Variants in ADAMTSL3 observed in about 807,000 individuals in gnomAD.
The protein encoded by ADAMTSL3 is ADAMTS like 3, also known as ADAMTS-like protein 3.
Under a neutral mutation model 201.7 loss-of-function variants are expected in ADAMTSL3, and 128 were observed. The observed-to-expected ratio is 0.63, with a 90% CI of 0.55 to 0.73. The LOEUF (loss-of-function observed/expected upper bound fraction) is 0.73. Among genes scored for constraint, ADAMTSL3 ranks in the 30% least tolerant of loss-of-function variants. ADAMTSL3 has a pLI of 0.00. For synonymous variants in ADAMTSL3, 738 were observed against 748.4 expected, an observed-to-expected ratio of 0.99 and a Z score of 0.23; for missense variants, 1,990 against 2,119.6, an observed-to-expected ratio of 0.94 and a Z score of 1.20.
At chr15:83,685,168 AG>A (rs1287915788) in intron 2 of ADAMTSL3, among the ~76,000 whole-genome samples, 1 of 151,888 alleles carries the variant, frequency 6.6e-6, no homozygotes, top group Non-Finnish European at 1.5e-5. Context: ...TTTGCCCTTA[AG>A]GGTTTTTTTG....
intron 2 of ADAMTSL3, among the ~76,000 whole-genome samples, chr15:83,657,184 G>C (rs901333852): frequency 6.6e-6 from 1 of 151,566 alleles, no homozygotes; most frequent in Non-Finnish European, 1.5e-5. Flanking sequence ...TCAGAGATTT[G>C]TTCCTGGTCA....
intron 4 of ADAMTSL3, among the ~76,000 whole-genome samples, chr15:83,784,105 TTTTGTGGCTTTCCTTCATTTGGAGATAG>T (rs1378814606): frequency 6.6e-6 from 1 of 152,222 alleles, no homozygotes; most frequent in Non-Finnish European, 1.5e-5. Flanking sequence ...TTTTTTATTA[TTTTGTGGCTTTCCTTCATTTGGAGATAG>T]TTTCTGGAGT....
intron 7 of ADAMTSL3, among the ~76,000 whole-genome samples, chr15:83,843,866 A>G (rs1245777053): frequency 6.6e-6 from 1 of 152,242 alleles, no homozygotes; most frequent in East Asian, 1.9e-4. Flanking sequence ...TTATCCAGAT[A>G]CAACATACAG....
At chr15:83,950,545 C>T (rs987327266) in intron 19 of ADAMTSL3, among the ~76,000 whole-genome samples, 2 of 151,986 alleles carry the variant, frequency 1.3e-5, no homozygotes, top group African/African-American at 4.8e-5. Flanking sequence ...TGAAAAATGT[C>T]ATTGATATTT....
intron 2 of ADAMTSL3, among the ~76,000 whole-genome samples, chr15:83,688,598 T>C (rs1053964746): frequency 6.6e-6 from 1 of 152,132 alleles, no homozygotes; most frequent in Non-Finnish European, 1.5e-5. Context: ...GTTCTTTTAT[T>C]CCTATGGAAT....
At chr15:83,903,912 C>T (rs1194507007) in intron 15 of ADAMTSL3, among the ~76,000 whole-genome samples, 1 of 24,730 alleles carries the variant, frequency 4.0e-5, no homozygotes, top group Non-Finnish European at 5.7e-5. Flanking sequence ...TGCCAGACTC[C>T]ACATCAAAAA....
At chr15:83,702,891 G>C (rs2061795823) in intron 2 of ADAMTSL3, among the ~76,000 whole-genome samples, 2 of 152,146 alleles carry the variant, frequency 1.3e-5, no homozygotes, top group African/African-American at 4.8e-5. Context: ...CAGAATGGTA[G>C]ATCCACTGAC....
chr15:83,779,416 C>T (rs926662859), intron 4 of ADAMTSL3, among the ~76,000 whole-genome samples: 3 of 151,970 alleles, frequency 2.0e-5, no homozygotes, highest in African/African-American at 4.8e-5. Context: ...AAAACAATCT[C>T]GGCTGGGTGC....
intron 2 of ADAMTSL3, among the ~76,000 whole-genome samples, chr15:83,659,980 G>A (rs1277097402): frequency 6.6e-6 from 1 of 152,202 alleles, no homozygotes; most frequent in Non-Finnish European, 1.5e-5. Context: ...CTTCAGAACT[G>A]TAAAAGAATA....
intron 6 of ADAMTSL3, among the ~76,000 whole-genome samples, chr15:83,827,093 T>A (rs964479391): frequency 6.6e-6 from 1 of 152,214 alleles, no homozygotes; most frequent in African/African-American, 2.4e-5. Context: ...CACACTGACT[T>A]CCACAATGGT....
intron 23 of ADAMTSL3, among the ~76,000 whole-genome samples, chr15:83,995,504 G>A (rs1165162177): frequency 6.6e-6 from 1 of 152,050 alleles, no homozygotes; most frequent in Non-Finnish European, 1.5e-5. Flanking sequence ...CACTATATCT[G>A]TTCAACACTG....
At chr15:83,980,892 A>AC (rs767756612) in intron 20 of ADAMTSL3, among the ~76,000 whole-genome samples, 9 of 152,176 alleles carry the variant, frequency 5.9e-5, no homozygotes, top group Admixed American at 2.0e-4. Context: ...CAGTAAACAC[A>AC]CTGTAGCCAG....
At chr15:83,841,660 G>T (rs370473202) in intron 7 of ADAMTSL3, among the ~76,000 whole-genome samples, 1 of 149,686 alleles carries the variant, frequency 6.7e-6, no homozygotes, top group Non-Finnish European at 1.5e-5. Context: ...TGATACGGGA[G>T]GGGGGGCAGG....
At chr15:83,942,251 CACCTATATAA>C (rs2066574492) in intron 17 of ADAMTSL3, among the ~76,000 whole-genome samples, 1 of 152,170 alleles carries the variant, frequency 6.6e-6, no homozygotes, top group Non-Finnish European at 1.5e-5. Flanking sequence ...TTTCTTTTGA[CACCTATATAA>C]ATCATCATTG....
At chr15:83,680,713 T>C (rs1326868592) in intron 2 of ADAMTSL3, among the ~76,000 whole-genome samples, 11 of 152,040 alleles carry the variant, frequency 7.2e-5, no homozygotes. Flanking sequence ...TTAACTGACT[T>C]AATTTTCTGT....
rs149740971 is a variant in ADAMTSL3, at chr15:83,690,156, C to T, written c.70-14233C>T. On this transcript the variant is annotated intron_variant, in intron 2 of 29. Transcript: ENST00000286744. The stretch of plus-strand genomic sequence containing the variant: ...ATCCTCATTGCCCCATCATTTGTCT[C>T]CTGGAATGTTACAGCGGCCTCACTA... Among the ~76,000 whole-genome samples, 5 of 152,244 alleles carry T rather than the reference C, an allele frequency of 3.3e-5. No individual in the cohort carries two copies. In the East Asian group the frequency reaches 9.7e-4, roughly 29 times the overall value.
chr15:83,906,226 C>T (rs1346597956), intron 15 of ADAMTSL3, among the ~76,000 whole-genome samples: 2 of 152,158 alleles, frequency 1.3e-5, no homozygotes, highest in Non-Finnish European at 2.9e-5. Context: ...CTCACCTAAC[C>T]TTACATAAAA....
At chr15:83,857,025 G>A (rs571307725) in intron 7 of ADAMTSL3, among the ~76,000 whole-genome samples, 2 of 152,078 alleles carry the variant, frequency 1.3e-5, no homozygotes, top group African/African-American at 4.8e-5. Flanking sequence ...ATCCTAATAG[G>A]TGTGAAGTGG....
chr15:84,029,453 G>A (rs1004562378), intron 27 of ADAMTSL3, among the ~76,000 whole-genome samples: 1 of 152,170 alleles, frequency 6.6e-6, no homozygotes, highest in Non-Finnish European at 1.5e-5. Flanking sequence ...ATGATTTAGG[G>A]TATCTGGTAG....
Sources: gnomAD v4.1 joint callset for allele counts (sites outside exome capture counted in the v4.1 genomes callset) on GRCh38, gnomAD v4.1.1 for gene constraint, MANE v1.5 for transcripts, NCBI Gene and HGNC (gene_info 2026-07-23, HGNC 2026-07-21) for gene names.